Variants in SLC12A1 observed in about 807,000 individuals in gnomAD.
SLC12A1 encodes Na-K-2Cl cotransporter.
Under a neutral mutation model 130.4 loss-of-function variants are expected in SLC12A1, and 89 were observed. The ratio of observed to expected loss-of-function variants is 0.68; its 90% CI spans 0.58 to 0.81. The LOEUF is 0.81. Among genes scored for constraint, SLC12A1 ranks in the 40% least tolerant of loss-of-function variants. The pLI, the probability that SLC12A1 is intolerant of heterozygous loss-of-function variation, is 0.00. For synonymous variants in SLC12A1, 499 were observed against 460.0 expected (o/e 1.08, Z -1.09); for missense variants, 1,310 against 1,336.4 (o/e 0.98, Z 0.31).
rs1048254825 is a variant in SLC12A1, at chr15:48,269,713, A to C, written c.2351A>C (p.Asn784Thr). The C allele has an allele frequency of 8.1e-6, 13 of 1,612,200 alleles. No homozygotes were observed. In the East Asian group the frequency reaches 2.9e-4, roughly 36 times the overall value. The change falls in exon 19 of 27, where the codon AAC becomes ACC. Residue 784 changes from asparagine (N) to threonine (T), a missense_variant. Coordinates refer to ENST00000380993, the MANE Select transcript of SLC12A1 (RefSeq NM_000338.3). Reference protein sequence around the residue: ...PNTLVIGYKKNWRKAPLTEIE... With the variant: ...PNTLVIGYKKTWRKAPLTEIE... ...ACTCTGGTGATTGGATATAAGAAAAACTGGAGGAAAGCTCCCTTGACAGAG... is the reference window on the plus strand; with the variant it reads ...ACTCTGGTGATTGGATATAAGAAAACCTGGAGGAAAGCTCCCTTGACAGAG...
At chr15:48,302,271 G>C (rs2042240742) in intron 26 of SLC12A1, among the ~76,000 whole-genome samples, 1 of 152,144 alleles carries the variant, frequency 6.6e-6, no homozygotes, top group South Asian at 2.1e-4. Flanking sequence ...AAATACATCA[G>C]TTTGCTATCT....
chr15:48,300,239 G>T (rs762160684), intron 25 of SLC12A1, among the ~76,000 whole-genome samples: 11 of 151,950 alleles, frequency 7.2e-5, no homozygotes, highest in Non-Finnish European at 1.5e-4. Context: ...GCGAAGGCAG[G>T]AGGATCACTT....
At chr15:48,211,000 G>T (rs971630546) in intron 2 of SLC12A1, among the ~76,000 whole-genome samples, 5 of 152,100 alleles carry the variant, frequency 3.3e-5, no homozygotes, top group Non-Finnish European at 7.4e-5. Flanking sequence ...ACTGAACTTC[G>T]ACTTAAAGCA....
At chr15:48,244,665 C>A in intron 10 of SLC12A1, 88 bp from the exon 11 acceptor site, 1 of 1,314,412 alleles carries the variant, frequency 7.6e-7, no homozygotes, top group Non-Finnish European at 1.1e-6. Flanking sequence ...TGGACCTTTT[C>A]AGTCTCAAAG....
At chr15:48,296,417 G>C (rs567110517) in intron 24 of SLC12A1, among the ~76,000 whole-genome samples, 1 of 152,172 alleles carries the variant, frequency 6.6e-6, no homozygotes, top group Non-Finnish European at 1.5e-5. Flanking sequence ...AAAAGCTCTT[G>C]TGCTTAAATT....
intron 20 of SLC12A1, among the ~76,000 whole-genome samples, chr15:48,284,032 C>T (rs919250853): frequency 6.6e-6 from 1 of 152,178 alleles, no homozygotes. Flanking sequence ...AGATAAAAGG[C>T]AGCCAGATAC....
intron 15 of SLC12A1, among the ~76,000 whole-genome samples, chr15:48,253,247 A>C (rs143924654): frequency 6.6e-6 from 1 of 152,212 alleles, no homozygotes; most frequent in Non-Finnish European, 1.5e-5. Context: ...TGTGCTGTCT[A>C]TATGTTTTGA....
intron 9 of SLC12A1, among the ~76,000 whole-genome samples, chr15:48,240,096 T>TATATATATATCC (rs2041497701): frequency 5.6e-5 from 7 of 124,672 alleles, no homozygotes; most frequent in Admixed American, 3.9e-4. Flanking sequence ...TATATCCATA[T>TATATATATATCC]ATATATATAT....
chr15:48,262,037 G>T (rs1391338197), intron 17 of SLC12A1, among the ~76,000 whole-genome samples: 1 of 150,692 alleles, frequency 6.6e-6, no homozygotes, highest in South Asian at 2.2e-4. Flanking sequence ...TTGTGATATT[G>T]TTATTGTCAA....
chr15:48,270,120 T>G (rs2041876950), intron 19 of SLC12A1, among the ~76,000 whole-genome samples: 1 of 152,174 alleles, frequency 6.6e-6, no homozygotes, highest in Non-Finnish European at 1.5e-5. Flanking sequence ...TGTCTCCAAT[T>G]CAGTCATTGT....
intron 2 of SLC12A1, among the ~76,000 whole-genome samples, chr15:48,209,689 T>C (rs58929870): frequency 0.14 from 21,543 of 151,964 alleles, 4,258 homozygotes; most frequent in African/African-American, 0.42. Flanking sequence ...AAGGGGAAAA[T>C]CTTTCTTTAG....
At chr15:48,253,500 C>T (rs1238715695) in intron 15 of SLC12A1, among the ~76,000 whole-genome samples, 1 of 152,216 alleles carries the variant, frequency 6.6e-6, no homozygotes, top group Non-Finnish European at 1.5e-5. Context: ...TTTATCCATG[C>T]TGTTGCATAT....
In SLC12A1 at chr15:48,274,626, G is replaced by A; in HGVS notation, c.2458G>A (p.Asp820Asn). The change falls in exon 20 of 27, where the codon GAC (aspartate) becomes AAC (asparagine). Residue 820 changes from aspartate (D) to asparagine (N), a missense_variant. Asp to Asn is a conservative substitution (Grantham distance 23). Transcript: ENST00000380993. ...VVIVRISQGFDISQVLQVQEE... is the reference protein window; with the variant it reads ...VVIVRISQGFNISQVLQVQEE... ...TATAGTCAGAATCAGCCAAGGATTT[G>A]ACATCTCTCAGGTTCTTCAGGTGCA... The A allele has an allele frequency of 6.2e-7, 1 of 1,612,882 alleles. No individual in the cohort carries two copies. Among genetic ancestry groups the A allele is most frequent in the East Asian group, 2.2e-5 (1 of 44,852 alleles).
chr15:48,226,915 T>C (rs192287929), intron 5 of SLC12A1: 2 of 613,890 alleles, frequency 3.3e-6, no homozygotes, highest in East Asian at 2.7e-5. Flanking sequence ...TTTAGTACAT[T>C]TCAGGTGCTT....
At chr15:48,253,604 T>A (rs1348216896) in intron 15 of SLC12A1, among the ~76,000 whole-genome samples, 1 of 152,266 alleles carries the variant, frequency 6.6e-6, no homozygotes, top group East Asian at 1.9e-4. Flanking sequence ...TTGATGGTCA[T>A]CTGAGTTGTT....
chr15:48,242,403 A>G (rs2041526923), intron 10 of SLC12A1, among the ~76,000 whole-genome samples: 1 of 152,196 alleles, frequency 6.6e-6, no homozygotes, highest in Admixed American at 6.5e-5. Context: ...GAAATTGAGA[A>G]GGTACATGTA....
intron 5 of SLC12A1, chr15:48,227,684 A>G (rs986704068): frequency 1.3e-5 from 2 of 155,878 alleles, no homozygotes; most frequent in Admixed American, 1.3e-4. Context: ...ATAATCTAGG[A>G]GTAGGCAGGC....
intron 8 of SLC12A1, 21 bp downstream of exon 8, chr15:48,232,859 G>T: frequency 6.9e-7 from 1 of 1,450,464 alleles, no homozygotes; most frequent in South Asian, 1.1e-5. Flanking sequence ...TAAATTGGTT[G>T]CTTTTCATTA....
intron 4 of SLC12A1, among the ~76,000 whole-genome samples, chr15:48,221,952 G>A (rs534637389): frequency 1.3e-5 from 2 of 152,136 alleles, no homozygotes; most frequent in South Asian, 2.1e-4. Context: ...CAGCATCACC[G>A]GAAGACTAAC....
Sources: allele counts gnomAD v4.1 joint callset (sites outside exome capture counted in the v4.1 genomes callset), GRCh38; gene constraint gnomAD v4.1.1; transcripts MANE v1.5; gene names NCBI Gene and HGNC (gene_info 2026-07-23, HGNC 2026-07-21).